RIC8B: variants seen among roughly 807,000 people sequenced by gnomAD.
RIC8B encodes the protein RIC8 guanine nucleotide exchange factor B.
A neutral mutation model predicts 57.5 loss-of-function variants in RIC8B; 16 were observed. The ratio of observed to expected loss-of-function variants is 0.28; its 90% CI spans 0.19 to 0.42. RIC8B has a LOEUF of 0.42. Ranked by LOEUF, RIC8B falls within the 10% of genes least tolerant of loss-of-function variation. RIC8B has a pLI of 1.00. For missense variants in RIC8B, 481 were observed against 677.0 expected (o/e 0.71, Z 3.21); for synonymous variants, 216 against 250.8 (o/e 0.86, Z 1.31).
chr12:106,808,016 C>G (rs962575071), intron 2 of RIC8B, among the ~76,000 whole-genome samples: 1 of 148,638 alleles, frequency 6.7e-6, no homozygotes, highest in East Asian at 2.0e-4. Flanking sequence ...ACCTGGGAGG[C>G]GGAGGTTGCA....
At position 106,851,520 on chromosome 12, in the gene RIC8B, G is replaced by T. The variant is rs1473870799; in HGVS notation, c.1232G>T (p.Arg411Leu). The change falls in exon 7 of 10, where the codon CGC becomes CTC. Residue 411 changes from arginine (R) to leucine (L), a missense_variant. Arg to Leu is a moderately radical substitution (Grantham distance 102). Coordinates refer to ENST00000392837, the MANE Select transcript of RIC8B (RefSeq NM_001330145.2). ...VGSTVRNKLV[R>L]LMTHVDLGVK... ...TCAACTGTGAGAAATAAGCTGGTGC[G>T]CCTCATGACACATGTTGACCTTGGA... 6.2e-7 allele frequency: 1 copy of T among 1,613,312 alleles called. No individual in the cohort carries two copies. Among genetic ancestry groups the T allele is most frequent in the Non-Finnish European group, 8.5e-7 (1 of 1,179,806 alleles).
intron 7 of RIC8B, among the ~76,000 whole-genome samples, chr12:106,855,549 G>A (rs1372263237): frequency 2.0e-5 from 3 of 152,130 alleles, no homozygotes; most frequent in Admixed American, 2.0e-4. Flanking sequence ...AAAGCAATGG[G>A]TATTTTTTAG....
chr12:106,873,216 C>T, intron 9 of RIC8B: 1 of 981,622 alleles, frequency 1.0e-6, no homozygotes, highest in Non-Finnish European at 1.2e-6. Flanking sequence ...GCAAATATGT[C>T]TTATGTTGGC....
intron 1 of RIC8B, 67 bp downstream of exon 1, chr12:106,774,896 C>T: frequency 2.6e-6 from 3 of 1,158,042 alleles, no homozygotes; most frequent in Non-Finnish European, 3.7e-6. Context: ...TTGCACATCG[C>T]ATCCTTCCCC....
chr12:106,831,310 G>A (rs566545141), intron 4 of RIC8B, among the ~76,000 whole-genome samples: 4 of 152,198 alleles, frequency 2.6e-5, no homozygotes, highest in Admixed American at 6.5e-5. Context: ...AAGTCCTTTC[G>A]TGGCTCTTCT....
intron 9 of RIC8B, among the ~76,000 whole-genome samples, chr12:106,872,180 T>C (rs192322161): frequency 1.2e-4 from 18 of 152,336 alleles, no homozygotes; most frequent in Admixed American, 4.6e-4. Flanking sequence ...ACATTCTCCA[T>C]ACCTTTGTAT....
At chr12:106,821,598 CAG>C (rs1016170317) in intron 3 of RIC8B, among the ~76,000 whole-genome samples, 1 of 152,032 alleles carries the variant, frequency 6.6e-6, no homozygotes, top group East Asian at 1.9e-4. Flanking sequence ...ATTTCTAAAA[CAG>C]GGCAAAATAA....
intron 1 of RIC8B, among the ~76,000 whole-genome samples, chr12:106,777,029 T>G (rs1768410137): frequency 6.6e-6 from 1 of 152,200 alleles, no homozygotes; most frequent in South Asian, 2.1e-4. Flanking sequence ...GGCTAACTTT[T>G]TAAATTCATT....
Position 106,775,168 on chromosome 12 carries a change from C to T in RIC8B, c.84+339C>T, listed in dbSNP as rs531839466. On this transcript the variant is annotated intron_variant, in intron 1 of 9. Transcript: ENST00000392837. Reference sequence around the variant, plus strand: ...GGATGCATAAATGCATGAGAGGCTTCCTCACCTGTATAGCATAAAAATACG... The same window carrying T: ...GGATGCATAAATGCATGAGAGGCTTTCTCACCTGTATAGCATAAAAATACG... Among the ~76,000 whole-genome samples the T allele has an allele frequency of 3.9e-5, 6 of 152,342 alleles. No individual in the cohort carries two copies. In the East Asian group the frequency reaches 1.2e-3, roughly 29 times the overall value.
At chr12:106,811,649 G>T (rs539433424) in intron 2 of RIC8B, among the ~76,000 whole-genome samples, 54 of 152,234 alleles carry the variant, frequency 3.5e-4, no homozygotes, top group African/African-American at 1.2e-3. Context: ...TCATGGTCAG[G>T]GTCTGGGGGT....
At chr12:106,883,510 C>T (rs1383730189) in intron 9 of RIC8B, among the ~76,000 whole-genome samples, 1 of 152,096 alleles carries the variant, frequency 6.6e-6, no homozygotes, top group Non-Finnish European at 1.5e-5. Flanking sequence ...TCTCCATCTC[C>T]TATGTCCTGG....
intron 7 of RIC8B, among the ~76,000 whole-genome samples, chr12:106,852,527 T>C (rs1235950299): frequency 6.6e-6 from 1 of 152,260 alleles, no homozygotes; most frequent in African/African-American, 2.4e-5. Context: ...ATCATTATTA[T>C]AATGGTGATT....
At chr12:106,826,869 C>T (rs1266136768) in intron 4 of RIC8B, among the ~76,000 whole-genome samples, 1 of 152,146 alleles carries the variant, frequency 6.6e-6, no homozygotes, top group Non-Finnish European at 1.5e-5. Flanking sequence ...GGGCAGATCA[C>T]TTGAGTTGAG....
intron 8 of RIC8B, among the ~76,000 whole-genome samples, chr12:106,868,877 C>T (rs1248973729): frequency 1.8e-4 from 19 of 103,844 alleles, no homozygotes; most frequent in Admixed American, 1.8e-3. Context: ...TTTTTTGAGA[C>T]GGAGTCTCGC....
intron 9 of RIC8B, among the ~76,000 whole-genome samples, chr12:106,884,569 AC>A (rs1299603765): frequency 1.3e-5 from 2 of 152,082 alleles, no homozygotes; most frequent in Non-Finnish European, 2.9e-5. Flanking sequence ...TATGATTCTG[AC>A]CCCATTTCTT....
At chr12:106,814,189 CA>C (rs2045466614) in intron 2 of RIC8B, among the ~76,000 whole-genome samples, 1 of 152,062 alleles carries the variant, frequency 6.6e-6, no homozygotes, top group East Asian at 1.9e-4. Flanking sequence ...GCAATTGGCT[CA>C]AGGCATAATA....
chr12:106,799,772 T>G (rs2044646272), intron 2 of RIC8B, among the ~76,000 whole-genome samples: 1 of 152,210 alleles, frequency 6.6e-6, no homozygotes, highest in Non-Finnish European at 1.5e-5. Context: ...ATTATTAATG[T>G]GTTCTTATGC....
chr12:106,883,372 G>A (rs915848324), intron 9 of RIC8B, among the ~76,000 whole-genome samples: 6 of 152,238 alleles, frequency 3.9e-5, no homozygotes, highest in African/African-American at 1.4e-4. Flanking sequence ...TGTAATTTAC[G>A]TCAGTGCTAG....
intron 1 of RIC8B, among the ~76,000 whole-genome samples, chr12:106,778,709 A>C (rs571734200): frequency 6.6e-6 from 1 of 152,124 alleles, no homozygotes; most frequent in Admixed American, 6.5e-5. Flanking sequence ...TTGCAGGGCT[A>C]TGTTGCCTTT....
Sources: gnomAD v4.1 joint callset for allele counts (sites outside exome capture counted in the v4.1 genomes callset) on GRCh38, gnomAD v4.1.1 for gene constraint, MANE v1.5 for transcripts, NCBI Gene and HGNC (gene_info 2026-07-23, HGNC 2026-07-21) for gene names.